The following CAMKMT variants were observed in gnomAD, a reference collection of about 807,000 sequenced individuals.
CAMKMT encodes the protein CaM KMT.
A neutral mutation model predicts 48.0 loss-of-function variants in CAMKMT; 53 were observed. The ratio of observed to expected loss-of-function variants is 1.10; its 90% CI spans 0.89 to 1.39. CAMKMT has a LOEUF of 1.39. Among genes scored for constraint, CAMKMT ranks in the 40% most tolerant of loss-of-function variants. CAMKMT has a pLI of 0.00. For missense variants in CAMKMT, 428 were observed against 402.7 expected, an observed-to-expected ratio of 1.06 and a Z score of -0.54; for synonymous variants, 165 against 152.3, an observed-to-expected ratio of 1.08 and a Z score of -0.61.
chr2:44,717,842 T>TAA (rs200492421), intron 7 of CAMKMT, among the ~76,000 whole-genome samples: 13 of 131,864 alleles, frequency 9.9e-5, no homozygotes, highest in African/African-American at 2.2e-4. Context: ...AAATGGTATT[T>TAA]AAAAAAAAAA....
chr2:44,447,826 A>C (rs1368230312), intron 3 of CAMKMT, among the ~76,000 whole-genome samples: 1 of 152,250 alleles, frequency 6.6e-6, no homozygotes, highest in Non-Finnish European at 1.5e-5. Context: ...GTGACCTTAC[A>C]TACAGAGCAT....
chr2:44,364,437 T>A (rs1404617731), intron 1 of CAMKMT, among the ~76,000 whole-genome samples: 2 of 152,082 alleles, frequency 1.3e-5, no homozygotes, highest in African/African-American at 4.8e-5. Context: ...AATGAGCCCT[T>A]TATATTATTT....
Position 44,653,132 on chromosome 2 carries a change from G to A in CAMKMT, c.377-51151G>A, listed in dbSNP as rs1674183546. Among the ~76,000 whole-genome samples, 1 of 152,086 alleles carries A rather than the reference G, an allele frequency of 6.6e-6. No homozygotes were observed. Among genetic ancestry groups the A allele is most frequent in the South Asian group, 2.1e-4 (1 of 4,818 alleles). ...GCTAGTTTCTAACGTACAGTCTTGT[G>A]CTTGTTGATCCTGGCTTCATAAGAG... On this transcript the variant is annotated intron_variant, in intron 3 of 10. Coordinates refer to ENST00000378494, the MANE Select transcript of CAMKMT (RefSeq NM_024766.5). The surrounding 1 kb of genome is among the most constrained non-coding windows in gnomAD (Gnocchi z 5.2).
At chr2:44,562,991 T>TA (rs1668405554) in intron 3 of CAMKMT, among the ~76,000 whole-genome samples, 1 of 152,246 alleles carries the variant, frequency 6.6e-6, no homozygotes, top group Non-Finnish European at 1.5e-5. Flanking sequence ...TCACAATATG[T>TA]AAAGGTTTTT....
chr2:44,549,839 C>T, intron 3 of CAMKMT: 1 of 392,784 alleles, frequency 2.5e-6, no homozygotes. Flanking sequence ...ACATTTTTGT[C>T]CCAGACCCAG....
intron 3 of CAMKMT, among the ~76,000 whole-genome samples, chr2:44,607,858 G>A (rs994957121): frequency 2.6e-5 from 4 of 151,362 alleles, no homozygotes; most frequent in East Asian, 1.9e-4. Context: ...AAATGTAAAC[G>A]ATTCAAAAAA....
intron 3 of CAMKMT, among the ~76,000 whole-genome samples, chr2:44,488,843 T>TTG (rs142299931): frequency 0.36 from 50,657 of 141,794 alleles, 8,707 homozygotes; most frequent in South Asian, 0.51. Flanking sequence ...CTTAGGGTAT[T>TTG]TGTGTGTGTG....
At chr2:44,581,117 C>G (rs553840310) in intron 3 of CAMKMT, among the ~76,000 whole-genome samples, 5 of 152,180 alleles carry the variant, frequency 3.3e-5, no homozygotes, top group South Asian at 4.2e-4. Context: ...AGTCTGCAAA[C>G]TAGGCAGTGC....
intron 3 of CAMKMT, among the ~76,000 whole-genome samples, chr2:44,501,351 A>G (rs985034136): frequency 1.3e-5 from 2 of 152,156 alleles, no homozygotes; most frequent in Non-Finnish European, 2.9e-5. Context: ...GTGAGATAGA[A>G]CTGTTGTTGA....
chr2:44,637,514 G>A (rs761444668), intron 3 of CAMKMT, among the ~76,000 whole-genome samples: 20 of 151,842 alleles, frequency 1.3e-4, no homozygotes, highest in East Asian at 3.9e-4. Context: ...TTTACTTCAC[G>A]TCCCTGCCAC....
At chr2:44,364,755 G>A (rs536672120) in intron 1 of CAMKMT, among the ~76,000 whole-genome samples, 5 of 152,296 alleles carry the variant, frequency 3.3e-5, no homozygotes, top group African/African-American at 1.2e-4. Flanking sequence ...GGAGCTGACC[G>A]ACATAGGCTG....
intron 3 of CAMKMT, among the ~76,000 whole-genome samples, chr2:44,659,276 A>T (rs553865969): frequency 6.6e-6 from 1 of 152,108 alleles, no homozygotes; most frequent in South Asian, 2.1e-4. Context: ...AAATAAAAAA[A>T]TTAGCCAGGT....
intron 2 of CAMKMT, among the ~76,000 whole-genome samples, chr2:44,376,182 G>C (rs1679671015): frequency 6.6e-6 from 1 of 151,978 alleles, no homozygotes. Flanking sequence ...AGGCTGAGAA[G>C]GGTGGATCAC....
intron 3 of CAMKMT, among the ~76,000 whole-genome samples, chr2:44,463,802 G>C (rs1225537913): frequency 1.3e-5 from 2 of 152,342 alleles, no homozygotes; most frequent in Admixed American, 1.3e-4. Context: ...CCCCATAAAA[G>C]GATTGAGAGG....
intron 3 of CAMKMT, among the ~76,000 whole-genome samples, chr2:44,442,100 A>T (rs1666701323): frequency 6.6e-6 from 1 of 152,168 alleles, no homozygotes. Flanking sequence ...GCTTGGGAAT[A>T]AAGAGCAGCA....
At chr2:44,552,659 A>G (rs1266151733) in intron 3 of CAMKMT, among the ~76,000 whole-genome samples, 1 of 152,140 alleles carries the variant, frequency 6.6e-6, no homozygotes, top group Admixed American at 6.6e-5. Context: ...AATTCTTACA[A>G]CTGTTCTGCT....
At chr2:44,511,124 A>G (rs1437244593) in intron 3 of CAMKMT, among the ~76,000 whole-genome samples, 2 of 152,138 alleles carry the variant, frequency 1.3e-5, no homozygotes, top group Non-Finnish European at 2.9e-5. Flanking sequence ...TACAGGCGTG[A>G]GCCACTGTGC....
intron 3 of CAMKMT, among the ~76,000 whole-genome samples, chr2:44,393,723 C>T (rs1190877735): frequency 3.9e-5 from 6 of 152,146 alleles, no homozygotes. Flanking sequence ...TCTGTGTCTC[C>T]TTTGATATGT....
intron 6 of CAMKMT, among the ~76,000 whole-genome samples, chr2:44,714,688 G>A (rs1678072903): frequency 6.6e-6 from 1 of 152,118 alleles, no homozygotes; most frequent in East Asian, 1.9e-4. Flanking sequence ...GCTTGCCTTT[G>A]GACTCCTTGC....
Sources: gnomAD v4.1 joint callset for allele counts (sites outside exome capture counted in the v4.1 genomes callset) on GRCh38, gnomAD v4.1.1 for gene constraint, Gnocchi (gnomAD v3.1) non-coding constraint, MANE v1.5 for transcripts, NCBI Gene and HGNC (gene_info 2026-07-23, HGNC 2026-07-21) for gene names.